The following EPB41L2 variants were observed in gnomAD, a reference collection of about 807,000 sequenced individuals.
EPB41L2 encodes the protein erythrocyte membrane protein band 4.1 like 2, also known as band 4.1-like protein 2.
In EPB41L2, 43 loss-of-function variants were observed where a neutral mutation model predicts 113.0. The observed-to-expected ratio is 0.38, with a 90% CI of 0.30 to 0.49. The LOEUF (loss-of-function observed/expected upper bound fraction) is 0.49. Among genes scored for constraint, EPB41L2 ranks in the 20% least tolerant of loss-of-function variants. The pLI is 0.95. For synonymous variants in EPB41L2, 442 were observed against 436.7 expected (o/e 1.01, Z -0.15); for missense variants, 1,147 against 1,223.4 (o/e 0.94, Z 0.93).
chr6:130,923,357 T>C (rs917082006), intron 4 of EPB41L2, among the ~76,000 whole-genome samples: 1 of 152,190 alleles, frequency 6.6e-6, no homozygotes, highest in Non-Finnish European at 1.5e-5. Context: ...TGGTTTGCCA[T>C]TTTTCTTAGC....
intron 1 of EPB41L2, among the ~76,000 whole-genome samples, chr6:131,053,434 TAAAAAA>T (rs71030727): frequency 1.0e-4 from 9 of 88,904 alleles, no homozygotes; most frequent in African/African-American, 3.8e-4. Context: ...ATGGAAATGA[TAAAAAA>T]AAAAAAAAAA....
chr6:130,857,745 T>C (rs1013416729), intron 19 of EPB41L2, among the ~76,000 whole-genome samples: 3 of 151,888 alleles, frequency 2.0e-5, no homozygotes, highest in East Asian at 3.9e-4. Flanking sequence ...TTAGTAGAGA[T>C]AGGTGGAATC....
At chr6:130,947,822 G>A (rs1308935063) in intron 3 of EPB41L2, among the ~76,000 whole-genome samples, 1 of 152,076 alleles carries the variant, frequency 6.6e-6, no homozygotes, top group Non-Finnish European at 1.5e-5. Flanking sequence ...CAAAATAAGA[G>A]GAAAACTTGT....
chr6:130,955,000 G>A (rs1174764048), intron 3 of EPB41L2, 105 bp downstream of exon 3: 1 of 958,440 alleles, frequency 1.0e-6, no homozygotes. Flanking sequence ...GTGCAAAACT[G>A]TAATCAACTG....
intron 1 of EPB41L2, among the ~76,000 whole-genome samples, chr6:131,008,070 G>GA (rs1470789594): frequency 6.6e-6 from 1 of 152,384 alleles, no homozygotes; most frequent in East Asian, 1.9e-4. Context: ...AAGACAATGG[G>GA]AAAAATGTCT....
At chr6:130,887,927 G>A (rs917379177) in intron 11 of EPB41L2, among the ~76,000 whole-genome samples, 2 of 152,074 alleles carry the variant, frequency 1.3e-5, no homozygotes, top group Non-Finnish European at 2.9e-5. Context: ...GGGACTCCCT[G>A]TCCTAAAACA....
At chr6:130,870,201 G>A (rs529417908) in intron 14 of EPB41L2, 75 bp from the exon 15 acceptor site, 6 of 1,537,510 alleles carry the variant, frequency 3.9e-6, no homozygotes, top group Middle Eastern at 1.7e-4. Flanking sequence ...CAAATTAACC[G>A]ATGGCAGATT....
chr6:131,024,683 A>T (rs1490356612), intron 1 of EPB41L2, among the ~76,000 whole-genome samples: 1 of 151,516 alleles, frequency 6.6e-6, no homozygotes, highest in Non-Finnish European at 1.5e-5. Flanking sequence ...TTACTTAACA[A>T]ATGCCAAGCA....
chr6:130,870,470 A>G, intron 14 of EPB41L2: 1 of 1,339,100 alleles, frequency 7.5e-7, no homozygotes, highest in Non-Finnish European at 1.0e-6. Flanking sequence ...TGCAAAGACA[A>G]AACAGCAAGA....
intron 3 of EPB41L2, among the ~76,000 whole-genome samples, chr6:130,942,590 T>C (rs1048761009): frequency 6.6e-5 from 10 of 152,222 alleles, no homozygotes; most frequent in African/African-American, 1.4e-4. Flanking sequence ...TTTTTAAATT[T>C]TACTGCCTAC....
chr6:131,024,127 G>A (rs1355038575), intron 1 of EPB41L2, among the ~76,000 whole-genome samples: 4 of 152,128 alleles, frequency 2.6e-5, no homozygotes, highest in Non-Finnish European at 4.4e-5. Flanking sequence ...TGCTGTAAGG[G>A]TGAGGGCAGG....
chr6:131,031,618 T>TA (rs772669933), intron 1 of EPB41L2, among the ~76,000 whole-genome samples: 3 of 152,024 alleles, frequency 2.0e-5, no homozygotes, highest in Non-Finnish European at 4.4e-5. Context: ...AAAAAGAAAA[T>TA]AACTTATAAG....
intron 1 of EPB41L2, among the ~76,000 whole-genome samples, chr6:130,960,145 G>A (rs1818854764): frequency 1.3e-5 from 2 of 152,072 alleles, no homozygotes; most frequent in Non-Finnish European, 2.9e-5. Context: ...CACTAATGGA[G>A]AACCACACAG....
intron 4 of EPB41L2, among the ~76,000 whole-genome samples, chr6:130,925,277 C>T (rs1047407679): frequency 2.0e-5 from 3 of 146,682 alleles, no homozygotes; most frequent in African/African-American, 7.8e-5. Flanking sequence ...CAACCTTTGC[C>T]TCCTGGGTTC....
chr6:131,000,113 T>A (rs114822341), intron 1 of EPB41L2, among the ~76,000 whole-genome samples: 7 of 151,786 alleles, frequency 4.6e-5, no homozygotes, highest in Non-Finnish European at 8.8e-5. Flanking sequence ...TCCAATTTCC[T>A]ATAGATGTAA....
chr6:130,907,706 C>T (rs1021362990), intron 5 of EPB41L2, among the ~76,000 whole-genome samples: 4 of 151,538 alleles, frequency 2.6e-5, no homozygotes, highest in Non-Finnish European at 5.9e-5. Context: ...AGGAAGACTA[C>T]CAAAAAGATA....
chr6:131,044,385 T>C (rs971600997), intron 1 of EPB41L2, among the ~76,000 whole-genome samples: 1 of 152,158 alleles, frequency 6.6e-6, no homozygotes, highest in Admixed American at 6.5e-5. Flanking sequence ...AAGTTAATAA[T>C]GGAAATACAG....
At chr6:130,884,985 G>T in intron 12 of EPB41L2, 111 bp downstream of exon 12, 1 of 1,235,704 alleles carries the variant, frequency 8.1e-7, no homozygotes. Flanking sequence ...GACCAGCAGA[G>T]AACATAGAAC....
intron 1 of EPB41L2, among the ~76,000 whole-genome samples, chr6:131,051,753 G>A (rs927904040): frequency 6.6e-6 from 1 of 152,150 alleles, no homozygotes; most frequent in African/African-American, 2.4e-5. Context: ...AATTTGAAGG[G>A]AAGGTAATCA....
Sources: gnomAD v4.1 joint callset for allele counts (sites outside exome capture counted in the v4.1 genomes callset) on GRCh38, gnomAD v4.1.1 for gene constraint, MANE v1.5 for transcripts, NCBI Gene and HGNC (gene_info 2026-07-23, HGNC 2026-07-21) for gene names.